The following HFM1 variants were observed in gnomAD, a reference collection of about 807,000 sequenced individuals.
The protein encoded by HFM1 is probable ATP-dependent DNA helicase HFM1.
Under a neutral mutation model 192.1 loss-of-function variants are expected in HFM1, and 169 were observed. The ratio of observed to expected loss-of-function variants is 0.88; its 90% CI spans 0.78 to 1.00. HFM1 has a LOEUF of 1.00. HFM1 is among the 50% of genes least tolerant of loss of function. The probability of loss-of-function intolerance (pLI) is 0.00; values close to 1 mark genes in which losing one functional copy is unlikely to be tolerated. For missense variants in HFM1, 1,661 were observed against 1,668.0 expected (o/e 1.00, Z 0.07); for synonymous variants, 525 against 537.8 (o/e 0.98, Z 0.33).
chr1:91,274,572 T>A (rs1666624827), intron 33 of HFM1, among the ~76,000 whole-genome samples, 158 bp downstream of exon 33: 1 of 152,130 alleles, frequency 6.6e-6, no homozygotes, highest in African/African-American at 2.4e-5. Context: ...GTATCAAAGA[T>A]AATGAAACCA....
At chr1:91,362,670 A>C (rs282051) in intron 13 of HFM1, among the ~76,000 whole-genome samples, 152,125 of 152,306 alleles carry the variant, frequency 1, 75,972 homozygotes, top group Non-Finnish European at 1. Context: ...CATTGACATT[A>C]TTCACAGAAT....
At chr1:91,284,144 C>A (rs922153058) in intron 30 of HFM1, among the ~76,000 whole-genome samples, 7 of 151,930 alleles carry the variant, frequency 4.6e-5, no homozygotes, top group Admixed American at 2.6e-4. Context: ...GAAAAGTAGA[C>A]TGCCTTTTAA....
intron 30 of HFM1, among the ~76,000 whole-genome samples, chr1:91,281,125 G>T (rs1667426466): frequency 6.6e-6 from 1 of 152,172 alleles, no homozygotes; most frequent in Non-Finnish European, 1.5e-5. Flanking sequence ...AAGACAGAAA[G>T]GATGCAAGAA....
chr1:91,295,104 T>C (rs1403888460), intron 30 of HFM1, among the ~76,000 whole-genome samples: 1 of 152,186 alleles, frequency 6.6e-6, no homozygotes, highest in Non-Finnish European at 1.5e-5. Context: ...AGATTTTCAT[T>C]CTCACTTTGT....
At position 91,380,157 on chromosome 1, in the gene HFM1, G is replaced by A. The variant is rs1284782632; in HGVS notation, c.953C>T (p.Thr318Ile). Residue 318 changes from threonine to isoleucine, a missense_variant, in exon 8 of 39, where the codon ACA becomes ATA. Physicochemically the swap from Thr to Ile is moderately conservative, Grantham distance 89 (BLOSUM62 -1). Transcript: ENST00000370425. ...GKTVVFELAI[T>I]RLLMEVPLPW... is the part of the protein sequence containing the mutation. The stretch of plus-strand genomic sequence containing the variant: ...CAATGGTACTTCCATTAACAATCTT[G>A]TTATAGCTAGTTCAAACACTACAGT... 6.6e-7 allele frequency: 1 copy of A among 1,510,608 alleles called. No homozygotes were observed. Among genetic ancestry groups the A allele is most frequent in the Non-Finnish European group, 9.1e-7 (1 of 1,097,942 alleles). The allele number at this position is 1,510,608 out of a possible 1,614,324, so 93.6% of individuals were successfully genotyped here. A position where few individuals can be genotyped will look rare whatever the true frequency, so the allele number is the denominator to read the frequency against.
intron 13 of HFM1, among the ~76,000 whole-genome samples, chr1:91,355,434 A>AG (rs544395092): frequency 2.0e-3 from 304 of 150,554 alleles, no homozygotes; most frequent in Admixed American, 4.8e-3. Flanking sequence ...TGATAGAAGA[A>AG]AAAAAAAAAA....
At chr1:91,318,457 A>C (rs1167470139) in intron 25 of HFM1, among the ~76,000 whole-genome samples, 3 of 152,236 alleles carry the variant, frequency 2.0e-5, no homozygotes, top group Admixed American at 6.5e-5. Flanking sequence ...TTAGAATTCT[A>C]GCTATCTAAG....
intron 21 of HFM1, among the ~76,000 whole-genome samples, chr1:91,323,499 T>C (rs1652438639): frequency 6.6e-6 from 1 of 152,152 alleles, no homozygotes; most frequent in Non-Finnish European, 1.5e-5. Context: ...GCCTATCACA[T>C]AGTAATAAAT....
intron 20 of HFM1, among the ~76,000 whole-genome samples, chr1:91,337,236 G>C (rs2101589710): frequency 6.6e-6 from 1 of 152,194 alleles, no homozygotes; most frequent in South Asian, 2.1e-4. Flanking sequence ...AGTTGAAGCG[G>C]GAAAAAATTG....
chr1:91,313,191 A>G (rs1456856612), intron 30 of HFM1, among the ~76,000 whole-genome samples, 158 bp downstream of exon 30: 2 of 152,232 alleles, frequency 1.3e-5, no homozygotes, highest in Non-Finnish European at 2.9e-5. Context: ...ACTAACTTGA[A>G]GAATCTCTAC....
Position 91,265,907 on chromosome 1 carries a change from G to A in HFM1, c.3974+110C>T, listed in dbSNP as rs1172401758. On this transcript the variant is annotated intron_variant, in intron 36 of 38. Transcript: ENST00000370425. ...TCTAAGATTAAGAGGGTTTAGGTTG[G>A]CTAATACCTTTTAGCATCTGTGACA... The A allele has an allele frequency of 6.3e-6, 9 of 1,425,804 alleles. No individual in the cohort carries two copies. In the Admixed American group the frequency reaches 2.6e-4, roughly 41 times the overall value. 88.3% of individuals were successfully genotyped at this position (1,425,804 alleles called of 1,614,324 possible).
chr1:91,329,661 C>A, intron 20 of HFM1: 1 of 610,166 alleles, frequency 1.6e-6, no homozygotes, highest in Non-Finnish European at 2.9e-6. Context: ...TAGTGCTAGT[C>A]CCTTTTTTAC....
intron 30 of HFM1, among the ~76,000 whole-genome samples, chr1:91,299,707 G>A (rs1648362013): frequency 6.6e-6 from 1 of 152,128 alleles, no homozygotes; most frequent in Non-Finnish European, 1.5e-5. Context: ...CGAAATGAAG[G>A]CAGAAATAAA....
At chr1:91,376,078 T>C (rs1306530467) in intron 11 of HFM1, among the ~76,000 whole-genome samples, 1 of 152,044 alleles carries the variant, frequency 6.6e-6, no homozygotes, top group Non-Finnish European at 1.5e-5. Flanking sequence ...TTTTGAAAAC[T>C]ACGCCTCAAA....
chr1:91,346,149 T>C (rs1414271785), intron 19 of HFM1, among the ~76,000 whole-genome samples: 1 of 152,188 alleles, frequency 6.6e-6, no homozygotes, highest in African/African-American at 2.4e-5. Flanking sequence ...TTCCAAAACC[T>C]TAATATTCAG....
intron 13 of HFM1, among the ~76,000 whole-genome samples, chr1:91,360,278 C>G (rs928014279): frequency 3.9e-5 from 6 of 152,156 alleles, no homozygotes; most frequent in Non-Finnish European, 8.8e-5. Flanking sequence ...CCAAGACCCA[C>G]TGGTATGCAG....
chr1:91,323,034 ATTTAT>A, intron 22 of HFM1, 37 bp from the exon 23 acceptor site: 4 of 1,313,182 alleles, frequency 3.0e-6, no homozygotes, highest in South Asian at 3.1e-5. Flanking sequence ...ATTTATTATT[ATTTAT>A]TTTAATTAAA....
Position 91,299,504 on chromosome 1 carries a change from C to G in HFM1, c.3391+13845G>C, listed in dbSNP as rs966435672. Among the ~76,000 whole-genome samples the G allele has an allele frequency of 3.3e-5, 5 of 152,290 alleles. No homozygotes were observed. In the South Asian group the frequency reaches 8.3e-4, roughly 25 times the overall value. Reference sequence around the variant, plus strand: ...ACATTCTTGTCAGCACCACACCACACCTATTCCAAAATTGACCACATAGTT... The same window carrying G: ...ACATTCTTGTCAGCACCACACCACAGCTATTCCAAAATTGACCACATAGTT... On this transcript the variant is annotated intron_variant, in intron 30 of 38. Coordinates refer to ENST00000370425, the MANE Select transcript of HFM1 (RefSeq NM_001017975.6).
At chr1:91,302,720 G>A (rs1648995774) in intron 30 of HFM1, among the ~76,000 whole-genome samples, 2 of 139,330 alleles carry the variant, frequency 1.4e-5, no homozygotes, top group Admixed American at 7.8e-5. Flanking sequence ...ACTCATAGGT[G>A]GAATTGAACA....
Sources: gnomAD v4.1 joint callset for allele counts (sites outside exome capture counted in the v4.1 genomes callset) on GRCh38, gnomAD v4.1.1 for gene constraint, MANE v1.5 for transcripts, NCBI Gene and HGNC (gene_info 2026-07-23, HGNC 2026-07-21) for gene names.